RAB12: variants seen among roughly 807,000 people sequenced by gnomAD.
RAB12 encodes ras-related protein Rab-12.
RAB12 carries 11 observed loss-of-function variants against 28.4 expected under a neutral mutation model. The observed-to-expected ratio is 0.39, with a 90% CI of 0.24 to 0.64. The LOEUF is 0.64. Ranked by LOEUF, RAB12 falls within the 30% of genes least tolerant of loss-of-function variation. The probability of loss-of-function intolerance (pLI) is 0.50; values close to 1 mark genes in which losing one functional copy is unlikely to be tolerated. For missense variants in RAB12, 276 were observed against 351.1 expected, an observed-to-expected ratio of 0.79 and a Z score of 1.71; for synonymous variants, 138 against 145.3, an observed-to-expected ratio of 0.95 and a Z score of 0.36.
rs941435717 is a variant in RAB12, at chr18:8,615,736, A to G, written c.514+5783A>G. Among the ~76,000 whole-genome samples, 6 of 152,368 alleles carry G rather than the reference A, an allele frequency of 3.9e-5. No homozygotes were observed. The East Asian group carries it at 5.8e-4, about 15-fold the overall frequency. ...TCCCCTTTTGTGGACTGAAGTAGCT[A>G]TCTTTCAGAGAAAGCATGCAGATTT... On this transcript the variant is annotated intron_variant, in intron 1 of 5. Transcript: ENST00000649141.
chr18:8,625,674 G>A (rs1267001413), intron 2 of RAB12, among the ~76,000 whole-genome samples: 2 of 152,188 alleles, frequency 1.3e-5, no homozygotes, highest in East Asian at 3.8e-4. Context: ...TGTGGAAGAA[G>A]GGATAAGATC....
chr18:8,632,296 A>G (rs1183959004), intron 2 of RAB12, among the ~76,000 whole-genome samples: 1 of 151,908 alleles, frequency 6.6e-6, no homozygotes, highest in African/African-American at 2.4e-5. Context: ...AAAAAAAAAA[A>G]AAAAAAGTAA....
chr18:8,613,579 C>T (rs940440983), intron 1 of RAB12, among the ~76,000 whole-genome samples: 14 of 152,118 alleles, frequency 9.2e-5, no homozygotes, highest in Non-Finnish European at 1.6e-4. Flanking sequence ...CAAAAAACAA[C>T]TCCATAAAAT....
At chr18:8,637,928 TGAGGAGGAG>T (rs367637160) in intron 5 of RAB12, among the ~76,000 whole-genome samples, 6 of 151,300 alleles carry the variant, frequency 4.0e-5, no homozygotes, top group African/African-American at 1.5e-4. Context: ...TTGAGTAGGC[TGAGGAGGAG>T]GAGGAGGAGG....
chr18:8,623,617 T>C (rs908450112), intron 1 of RAB12, among the ~76,000 whole-genome samples: 2 of 152,248 alleles, frequency 1.3e-5, no homozygotes, highest in African/African-American at 4.8e-5. Context: ...TTCTCCATCA[T>C]GCAGAACCTG....
chr18:8,627,210 TGTC>T (rs1160091336), intron 2 of RAB12, among the ~76,000 whole-genome samples: 13 of 152,208 alleles, frequency 8.5e-5, no homozygotes, highest in African/African-American at 3.1e-4. Flanking sequence ...GTGGGCGTGT[TGTC>T]GTCGTTTCAC....
chr18:8,636,405 T>C, intron 5 of RAB12, 48 bp downstream of exon 5: 1 of 1,150,966 alleles, frequency 8.7e-7, no homozygotes, highest in Non-Finnish European at 1.2e-6. Context: ...TGAAACCTGT[T>C]GTTTCCTTTA....
intron 1 of RAB12, among the ~76,000 whole-genome samples, chr18:8,624,720 A>G (rs1362430662): frequency 1.3e-5 from 2 of 152,242 alleles, no homozygotes; most frequent in African/African-American, 4.8e-5. Context: ...GATAAGACAT[A>G]ACATGGGCTG....
intron 1 of RAB12, among the ~76,000 whole-genome samples, chr18:8,614,527 A>AT: frequency 6.6e-6 from 1 of 151,700 alleles, no homozygotes; most frequent in African/African-American, 2.4e-5. Flanking sequence ...AAGAAAAAAA[A>AT]AAGACTTAAA....
Position 8,609,770 on chromosome 18 carries a change from G to A in RAB12, c.331G>A (p.Gly111Ser). Residue 111 changes from glycine to serine, a missense_variant, in exon 1 of 6, where the codon GGC (glycine) becomes AGC (serine). By Grantham distance (56) the Gly-to-Ser change is moderately conservative. Around this residue, in one of 4 missense-constraint regions of RAB12, gnomAD observed 76 missense variants for 117.9 expected, o/e 0.64. Transcript: ENST00000649141. ...AALQRRAGGG[G>S]GLGAGSPALS... is the part of the protein sequence containing the mutation. ...GCTGCAGAGGCGGGCCGGGGGCGGC[G>A]GCGGTCTGGGCGCGGGCTCCCCGGC... The A allele has an allele frequency of 7.8e-7, 1 of 1,276,054 alleles. No individual in the cohort carries two copies. The highest frequency in any genetic ancestry group is 9.9e-7 in the Non-Finnish European group (1 of 1,012,096). The allele number at this position is 1,276,054 out of a possible 1,614,324, so 79.0% of individuals were successfully genotyped here.
chr18:8,620,165 C>CTTTAA (rs2096009078), intron 1 of RAB12, among the ~76,000 whole-genome samples: 12 of 75,434 alleles, frequency 1.6e-4, no homozygotes, highest in East Asian at 3.8e-4. Flanking sequence ...TTTTTTGCTT[C>CTTTAA]AAAAAAAAAA....
intron 1 of RAB12, among the ~76,000 whole-genome samples, chr18:8,617,307 T>C (rs1321127404): frequency 6.6e-6 from 1 of 152,216 alleles, no homozygotes; most frequent in Non-Finnish European, 1.5e-5. Flanking sequence ...ACAGATGATA[T>C]AAATTTCAAA....
intron 2 of RAB12, among the ~76,000 whole-genome samples, chr18:8,625,563 G>C (rs1474997764): frequency 6.6e-6 from 1 of 152,132 alleles, no homozygotes; most frequent in East Asian, 1.9e-4. Context: ...ATCACAATTG[G>C]AATGAGAGAC....
At chr18:8,610,273 G>T (rs1197339115) in intron 1 of RAB12, among the ~76,000 whole-genome samples, 2 of 152,202 alleles carry the variant, frequency 1.3e-5, no homozygotes, top group Non-Finnish European at 2.9e-5. Context: ...AGCTGGGTTC[G>T]AGTGGAGCGC....
Position 8,609,760 on chromosome 18 carries a change from C to G in RAB12, c.321C>G (p.Ala107=). Residue 107 remains alanine (A), a synonymous_variant, in exon 1 of 6, where the codon GCC becomes GCG. Transcript: ENST00000649141. Reference sequence around the variant, plus strand: ...CGGGCGCCGCGCTGCAGAGGCGGGCCGGGGGCGGCGGCGGTCTGGGCGCGG... The same window carrying G: ...CGGGCGCCGCGCTGCAGAGGCGGGCGGGGGGCGGCGGCGGTCTGGGCGCGG... ...MDPGAALQRR[A]GGGGGLGAGS... The G allele has an allele frequency of 1.6e-6, 2 of 1,258,962 alleles. No homozygotes were observed. The highest frequency in any genetic ancestry group is 2.0e-6 in the Non-Finnish European group (2 of 1,002,466). 78.0% of individuals were successfully genotyped at this position (1,258,962 alleles called of 1,614,324 possible).
chr18:8,629,941 G>A (rs892153286), intron 2 of RAB12, among the ~76,000 whole-genome samples: 2 of 152,124 alleles, frequency 1.3e-5, no homozygotes, highest in Non-Finnish European at 2.9e-5. Context: ...AATCATAGAT[G>A]GTCTTTAAAG....
chr18:8,630,768 G>T (rs2096015501), intron 2 of RAB12, among the ~76,000 whole-genome samples: 1 of 152,204 alleles, frequency 6.6e-6, no homozygotes, highest in South Asian at 2.1e-4. Flanking sequence ...GGAGCAGTTG[G>T]GTAATAATGA....
intron 2 of RAB12, among the ~76,000 whole-genome samples, chr18:8,632,148 C>G (rs2096016315): frequency 1.3e-5 from 2 of 151,958 alleles, no homozygotes; most frequent in Admixed American, 1.3e-4. Flanking sequence ...CATGGTGGCG[C>G]ATGCCTGTAA....
intron 1 of RAB12, among the ~76,000 whole-genome samples, chr18:8,618,042 C>G (rs2096007626): frequency 6.6e-6 from 1 of 152,186 alleles, no homozygotes; most frequent in Non-Finnish European, 1.5e-5. Context: ...GTGTACACTT[C>G]CATGAGAGGA....
Sources: gnomAD v4.1 joint callset for allele counts (sites outside exome capture counted in the v4.1 genomes callset) on GRCh38, gnomAD v4.1.1 for gene constraint, gnomAD v4.1.1 regional missense constraint, MANE v1.5 for transcripts, NCBI Gene and HGNC (gene_info 2026-07-23, HGNC 2026-07-21) for gene names.